Variants in ARHGAP26 observed in about 807,000 individuals in gnomAD.
The protein encoded by ARHGAP26 is rho GTPase-activating protein 26.
Under a neutral mutation model 104.8 loss-of-function variants are expected in ARHGAP26, and 38 were observed. The ratio of observed to expected loss-of-function variants is 0.36; its 90% confidence interval spans 0.28 to 0.48. The LOEUF (loss-of-function observed/expected upper bound fraction) is 0.48, where lower values mean the gene tolerates loss of function less well. Among genes scored for constraint, ARHGAP26 ranks in the 20% least tolerant of loss-of-function variants. The probability of loss-of-function intolerance (pLI) is 0.99; values close to 1 mark genes in which losing one functional copy is unlikely to be tolerated. For missense variants in ARHGAP26, 704 were observed against 947.9 expected (o/e 0.74, Z 3.38); for synonymous variants, 341 against 340.0 (o/e 1.00, Z -0.03).
chr5:143,093,627 T>A (rs531510393), intron 17 of ARHGAP26, among the ~76,000 whole-genome samples: 42 of 152,048 alleles, frequency 2.8e-4, no homozygotes, highest in African/African-American at 9.4e-4. Context: ...TCTCCTCCTC[T>A]CTCTCTCTGC....
intron 8 of ARHGAP26, among the ~76,000 whole-genome samples, chr5:142,907,112 G>A (rs1353812117): frequency 1.3e-5 from 2 of 152,166 alleles, no homozygotes; most frequent in Non-Finnish European, 2.9e-5. Context: ...TTACATGTGG[G>A]CATTGACAGT....
chr5:142,878,984 T>C (rs1756537319), intron 3 of ARHGAP26, among the ~76,000 whole-genome samples: 1 of 152,192 alleles, frequency 6.6e-6, no homozygotes, highest in Admixed American at 6.5e-5. Flanking sequence ...GTTTTTAACC[T>C]AGACTCAGTG....
intron 18 of ARHGAP26, among the ~76,000 whole-genome samples, chr5:143,126,674 A>T (rs952739195): frequency 5.9e-5 from 9 of 152,302 alleles, no homozygotes; most frequent in African/African-American, 2.2e-4. Flanking sequence ...ACTAGCTCAT[A>T]GCATCATTTC....
At chr5:143,024,722 C>T (rs1780795792) in intron 12 of ARHGAP26, among the ~76,000 whole-genome samples, 1 of 152,190 alleles carries the variant, frequency 6.6e-6, no homozygotes, top group Admixed American at 6.5e-5. Context: ...ACCCCATTTA[C>T]AGATGTGAAA....
chr5:142,857,640 C>CACTA (rs1554130330), intron 1 of ARHGAP26, among the ~76,000 whole-genome samples: 5 of 152,026 alleles, frequency 3.3e-5, no homozygotes, highest in Admixed American at 6.5e-5. Flanking sequence ...TAATTAATGA[C>CACTA]CCTAGCAAAC....
intron 1 of ARHGAP26, chr5:142,866,942 C>G (rs1253974535): frequency 6.6e-6 from 1 of 152,212 alleles, no homozygotes; most frequent in Non-Finnish European, 1.5e-5. Context: ...CCCTCCCACT[C>G]CATGTCTCAG....
intron 20 of ARHGAP26, among the ~76,000 whole-genome samples, chr5:143,183,362 G>A (rs1203900489): frequency 2.0e-5 from 3 of 152,122 alleles, no homozygotes; most frequent in East Asian, 3.9e-4. Context: ...TCTTATCGTG[G>A]GGATTGAGGA....
chr5:143,185,605 A>T (rs566748301), intron 20 of ARHGAP26, among the ~76,000 whole-genome samples: 152 of 152,268 alleles, frequency 1.0e-3, no homozygotes, highest in Non-Finnish European at 1.9e-3. Flanking sequence ...ACACACCCTA[A>T]GGCTATTTAT....
chr5:142,771,060 G>C, intron 1 of ARHGAP26, 145 bp downstream of exon 1: 1 of 1,380,856 alleles, frequency 7.2e-7, no homozygotes, highest in Non-Finnish European at 9.4e-7. Flanking sequence ...AGGCAGGAAG[G>C]ATACGTAAAG....
Position 143,014,418 on chromosome 5 carries a change from C to G in ARHGAP26, c.1144+302C>G, listed in dbSNP as rs1188308049. On this transcript the variant is annotated intron_variant, in intron 12 of 22. Coordinates refer to ENST00000645722, the MANE Select transcript of ARHGAP26 (RefSeq NM_001135608.3). ...AATCGTAGGTCTTAAGACTATAGCT[C>G]GTCACCACTTAAAAGTTACTTAATA... 4 of 387,610 alleles carry G rather than the reference C, an allele frequency of 1.0e-5. No homozygotes were observed. The South Asian group carries it at 1.6e-4, about 16-fold the overall frequency. 24.0% of individuals were successfully genotyped at this position (387,610 alleles called of 1,614,324 possible).
chr5:143,033,748 C>A (rs990848641), intron 12 of ARHGAP26, among the ~76,000 whole-genome samples: 2 of 152,144 alleles, frequency 1.3e-5, no homozygotes, highest in Non-Finnish European at 2.9e-5. Flanking sequence ...CTGCAGCTCC[C>A]CGTAGCACTG....
intron 20 of ARHGAP26, among the ~76,000 whole-genome samples, chr5:143,179,327 T>C (rs1803963355): frequency 6.6e-6 from 1 of 152,300 alleles, no homozygotes; most frequent in Admixed American, 6.5e-5. Context: ...TAAATACTTG[T>C]TGGGTGTACG....
At chr5:142,933,506 G>T (rs780655792) in intron 11 of ARHGAP26, among the ~76,000 whole-genome samples, 25 of 152,308 alleles carry the variant, frequency 1.6e-4, no homozygotes, top group Middle Eastern at 3.4e-3. Context: ...ATGTAAGATA[G>T]ATAAGTGTAT....
intron 17 of ARHGAP26, among the ~76,000 whole-genome samples, chr5:143,078,321 AG>A (rs1267988247): frequency 6.6e-6 from 1 of 152,160 alleles, no homozygotes; most frequent in Non-Finnish European, 1.5e-5. Context: ...AGAGTGAGTG[AG>A]GGCCTCTTTA....
intron 12 of ARHGAP26, among the ~76,000 whole-genome samples, chr5:143,018,768 GTCTCC>G (rs1779918488): frequency 6.6e-6 from 1 of 152,158 alleles, no homozygotes; most frequent in African/African-American, 2.4e-5. Context: ...AGTTATATAA[GTCTCC>G]TCTATTTATT....
chr5:142,890,183 T>A lies in ARHGAP26; in HGVS notation c.487-4055T>A, dbSNP rs1438813359. On this transcript the variant is annotated intron_variant, in intron 5 of 22. Coordinates refer to ENST00000645722, the MANE Select transcript of ARHGAP26 (RefSeq NM_001135608.3). ...ATATATATATATATATATATATATA[T>A]ATATATATATATATGAAAGTGCATT... Among the ~76,000 whole-genome samples the A allele has an allele frequency of 2.0e-4, 23 of 112,612 alleles. No individual in the cohort carries two copies. The South Asian group carries it at 2.6e-3, about 13-fold the overall frequency. The allele number at this position is 112,612 out of a possible 152,430, so 73.9% of individuals were successfully genotyped here.
At chr5:142,985,379 C>T (rs1211132770) in intron 11 of ARHGAP26, among the ~76,000 whole-genome samples, 2 of 152,178 alleles carry the variant, frequency 1.3e-5, no homozygotes, top group Non-Finnish European at 2.9e-5. Context: ...TTTATAAAGT[C>T]TACAGTATTG....
chr5:143,214,565 G>A (rs952395950), intron 22 of ARHGAP26, among the ~76,000 whole-genome samples: 1 of 152,194 alleles, frequency 6.6e-6, no homozygotes. Context: ...CTGGGCAGTG[G>A]GTGCTGCACC....
intron 11 of ARHGAP26, among the ~76,000 whole-genome samples, chr5:142,947,925 C>T (rs1055824051): frequency 3.3e-5 from 5 of 152,092 alleles, no homozygotes; most frequent in African/African-American, 9.7e-5. Flanking sequence ...GAGTGTGAAG[C>T]GGGTGGATCA....
Sources: gnomAD v4.1 joint callset for allele counts (sites outside exome capture counted in the v4.1 genomes callset) on GRCh38, gnomAD v4.1.1 for gene constraint, MANE v1.5 for transcripts, NCBI Gene and HGNC (gene_info 2026-07-23, HGNC 2026-07-21) for gene names.